STK33: variants seen among roughly 807,000 people sequenced by gnomAD.
The protein encoded by STK33 is serine/threonine-protein kinase 33.
Under a neutral mutation model 58.0 loss-of-function variants are expected in STK33, and 52 were observed. The ratio of observed to expected loss-of-function variants is 0.90; its 90% CI spans 0.72 to 1.13. The LOEUF is 1.13. Ranked by LOEUF, STK33 falls within the 50% of genes most tolerant of loss-of-function variation. The pLI is 0.00. For missense variants in STK33, 630 were observed against 604.2 expected (o/e 1.04, Z -0.45); for synonymous variants, 215 against 200.1 (o/e 1.07, Z -0.63).
chr11:8,534,532 T>TTCTCTCTCTCTCTC (rs61429377), intron 1 of STK33, among the ~76,000 whole-genome samples: 8 of 122,518 alleles, frequency 6.5e-5, no homozygotes, highest in African/African-American at 2.2e-4. Context: ...GTATATATAT[T>TTCTCTCTCTCTCTC]TCTCTCTCTC....
At chr11:8,450,120 G>A (rs527833989) in intron 11 of STK33, among the ~76,000 whole-genome samples, 143 of 152,150 alleles carry the variant, frequency 9.4e-4, no homozygotes, top group Non-Finnish European at 1.6e-3. Flanking sequence ...TGTTTATTGC[G>A]ACACTGTTCC....
the STK33 span, among the ~76,000 whole-genome samples, chr11:8,367,837 A>G: frequency 6.6e-6 from 1 of 152,182 alleles, no homozygotes; most frequent in Admixed American, 6.5e-5. Context: ...TGATATGCAC[A>G]TTGAACATGC....
At chr11:8,448,273 A>G (rs1945778736) in intron 11 of STK33, among the ~76,000 whole-genome samples, 1 of 152,186 alleles carries the variant, frequency 6.6e-6, no homozygotes, top group African/African-American at 2.4e-5. Context: ...ACAGAATTGG[A>G]AAAAACTACT....
the STK33 span, among the ~76,000 whole-genome samples, chr11:8,384,351 C>A: frequency 2.4e-4 from 36 of 152,286 alleles, 1 homozygote; most frequent in East Asian, 6.6e-3. Context: ...TGCGGTAATG[C>A]CAGTGCCTGG....
chr11:8,388,442 TAAC>T (rs1447474868), downstream of STK33, among the ~76,000 whole-genome samples: 1 of 152,240 alleles, frequency 6.6e-6, no homozygotes, highest in African/African-American at 2.4e-5. Flanking sequence ...AATTAAGTGA[TAAC>T]AATGTACTGA....
chr11:8,564,699 A>G (rs1009506239), intron 1 of STK33, among the ~76,000 whole-genome samples: 2 of 152,222 alleles, frequency 1.3e-5, no homozygotes, highest in African/African-American at 4.8e-5. Flanking sequence ...TTCTTAGCTG[A>G]TGGACCTTTC....
At chr11:8,367,227 C>T in the STK33 span, among the ~76,000 whole-genome samples, 1 of 152,226 alleles carries the variant, frequency 6.6e-6, no homozygotes, top group Non-Finnish European at 1.5e-5. Flanking sequence ...GCGCACTATG[C>T]ATGCCAAGGT....
rs148867286 is a variant in STK33, at chr11:8,481,451, G to T, written c.-465-837C>A. 7.5e-3 allele frequency among the ~76,000 whole-genome samples: 1,144 copies of T among 152,342 alleles called. 55 individuals are homozygous for T. Among genetic ancestry groups the T allele is most frequent in the Admixed American group, 0.066 (1,016 of 15,306 alleles). ...GTCCATTAAGTAAGGATTATTGACTGAAAGTCATTAACTGATTGATGGAAA... is the reference window on the plus strand; with the variant it reads ...GTCCATTAAGTAAGGATTATTGACTTAAAGTCATTAACTGATTGATGGAAA... On this transcript the variant is annotated intron_variant, in intron 1 of 15. Coordinates refer to ENST00000687296, the MANE Select transcript of STK33 (RefSeq NM_001352389.2).
chr11:8,466,609 G>T, intron 6 of STK33: 1 of 152,418 alleles, frequency 6.6e-6, no homozygotes, highest in Non-Finnish European at 1.5e-5. Flanking sequence ...TTAAGTGTCT[G>T]TGGCCTTTCC....
intron 1 of STK33, among the ~76,000 whole-genome samples, chr11:8,541,756 T>G (rs1955536945): frequency 6.6e-6 from 1 of 152,168 alleles, no homozygotes; most frequent in Admixed American, 6.5e-5. Context: ...AAATACTACT[T>G]TCAATTTAAA....
Position 8,587,476 on chromosome 11 carries a change from G to A in STK33, c.-466+6607C>T, listed in dbSNP as rs1481077735. Among the ~76,000 whole-genome samples the A allele has an allele frequency of 2.0e-5, 3 of 151,524 alleles. No homozygotes were observed. In the East Asian group the frequency reaches 5.8e-4, roughly 29 times the overall value. On this transcript the variant is annotated intron_variant, in intron 1 of 15. Transcript: ENST00000687296. ...TCCACACTGCACGCTTGAACCTCTG[G>A]AAAGAACACGAGGCACACCTCCCTA...
At chr11:8,375,157 AAT>A in the STK33 span, among the ~76,000 whole-genome samples, 3 of 152,214 alleles carry the variant, frequency 2.0e-5, no homozygotes, top group Non-Finnish European at 2.9e-5. Flanking sequence ...GGTTTTAATT[AAT>A]GTTACTCTTG....
intron 12 of STK33, among the ~76,000 whole-genome samples, chr11:8,437,611 T>C (rs1354014947): frequency 6.6e-6 from 1 of 152,238 alleles, no homozygotes; most frequent in Non-Finnish European, 1.5e-5. Context: ...TAATAATCTC[T>C]ACATCTTTTA....
the STK33 span, among the ~76,000 whole-genome samples, chr11:8,371,431 T>C: frequency 0.019 from 2,845 of 152,300 alleles, 68 homozygotes; most frequent in African/African-American, 0.057. Context: ...AGAGAAAGCA[T>C]AGCTCTGCAA....
Position 8,392,371 on chromosome 11 carries a change from G to C in STK33, c.*139C>G. On this transcript the variant is annotated 3_prime_UTR_variant, in exon 16 of 16. Transcript: ENST00000687296. Reference sequence around the variant, plus strand: ...GATAAGCAGCTTCAATTTTAAGCTGGTGCAAACACATGGCGGGGCTCTGTG... The same window carrying C: ...GATAAGCAGCTTCAATTTTAAGCTGCTGCAAACACATGGCGGGGCTCTGTG... 1.0e-6 allele frequency: 1 copy of C among 987,944 alleles called. No homozygotes were observed. The allele number at this position is 987,944 out of a possible 1,614,324, so 61.2% of individuals were successfully genotyped here.
At chr11:8,373,006 G>C in the STK33 span, among the ~76,000 whole-genome samples, 2 of 152,234 alleles carry the variant, frequency 1.3e-5, no homozygotes, top group Admixed American at 6.5e-5. Flanking sequence ...GCTTTGGGCA[G>C]TTGCAGAGTC....
chr11:8,422,840 CTT>C (rs1317585335), intron 14 of STK33, among the ~76,000 whole-genome samples: 1 of 149,612 alleles, frequency 6.7e-6, no homozygotes, highest in Non-Finnish European at 1.5e-5. Context: ...TCTTTTTTTT[CTT>C]GAGACAGGGT....
At chr11:8,511,395 T>C (rs1952311562) in intron 1 of STK33, among the ~76,000 whole-genome samples, 1 of 152,152 alleles carries the variant, frequency 6.6e-6, no homozygotes, top group African/African-American at 2.4e-5. Flanking sequence ...GGTAGGGCTT[T>C]CTAGGTATAT....
chr11:8,546,810 A>G (rs1331687481), intron 1 of STK33, among the ~76,000 whole-genome samples: 1 of 152,198 alleles, frequency 6.6e-6, no homozygotes, highest in African/African-American at 2.4e-5. Context: ...TATATTTACC[A>G]CATTTTCTTT....
Sources: allele counts gnomAD v4.1 joint callset (sites outside exome capture counted in the v4.1 genomes callset), GRCh38; gene constraint gnomAD v4.1.1; transcripts MANE v1.5; gene names NCBI Gene and HGNC (gene_info 2026-07-23, HGNC 2026-07-21).